ZNF248: variants seen among roughly 807,000 people sequenced by gnomAD.
ZNF248 encodes zinc finger protein 248.
ZNF248 carries 20 observed loss-of-function variants against 44.3 expected under a neutral mutation model. That is an observed-to-expected ratio of 0.45 (90% CI 0.32 to 0.66). The LOEUF (loss-of-function observed/expected upper bound fraction) is 0.66. ZNF248 is among the 30% of genes least tolerant of loss of function. The pLI is 0.04. For synonymous variants in ZNF248, 224 were observed against 229.0 expected, an observed-to-expected ratio of 0.98 and a Z score of 0.20; for missense variants, 654 against 677.0, an observed-to-expected ratio of 0.97 and a Z score of 0.38.
chr10:37,831,526 T>C lies in ZNF248; in HGVS notation c.*89A>G. On this transcript the variant is annotated 3_prime_UTR_variant, in exon 6 of 6. Transcript: ENST00000395867. Reference sequence around the variant, plus strand: ...CATATTCAAACAAGAAGTCATTTTCTACAAATTTCTGACATTCTTTGGCTT... The same window carrying C: ...CATATTCAAACAAGAAGTCATTTTCCACAAATTTCTGACATTCTTTGGCTT... The C allele has an allele frequency of 7.3e-6, 11 of 1,503,044 alleles. No homozygotes were observed. Among genetic ancestry groups the C allele is most frequent in the Non-Finnish European group, 9.7e-6 (11 of 1,128,488 alleles). The allele number at this position is 1,503,044 out of a possible 1,614,324, so 93.1% of individuals were successfully genotyped here.
intron 6 of ZNF248, among the ~76,000 whole-genome samples, chr10:37,785,067 T>C (rs547520031): frequency 6.6e-6 from 1 of 152,290 alleles, no homozygotes; most frequent in South Asian, 2.1e-4. Context: ...CTGGGTGCCT[T>C]GGAGGAAGGC....
intron 6 of ZNF248, among the ~76,000 whole-genome samples, chr10:37,822,723 A>G (rs2053676963): frequency 6.6e-6 from 1 of 152,176 alleles, no homozygotes; most frequent in African/African-American, 2.4e-5. Flanking sequence ...CATATAAAGT[A>G]CATTAACACT....
rs1427506570 is a variant in ZNF248 at position 37,778,566 on chromosome 10, T to C, written c.331-1991A>G. On this transcript the variant is annotated intron_variant, in intron 6 of 6. Transcript: ENST00000615949. ...TTAGATCCCATTTGTCAATTTTGTCTTTTGTTGCCATTGCTTTTGGTGTCT... is the reference window on the plus strand; with the variant it reads ...TTAGATCCCATTTGTCAATTTTGTCCTTTGTTGCCATTGCTTTTGGTGTCT... Among the ~76,000 whole-genome samples, 3 of 152,310 alleles carry C rather than the reference T, an allele frequency of 2.0e-5. No homozygotes were observed. In the East Asian group the frequency reaches 5.8e-4, roughly 29 times the overall value.
the ZNF248 span, among the ~76,000 whole-genome samples, chr10:37,761,205 G>T: frequency 1.3e-5 from 2 of 152,308 alleles, no homozygotes; most frequent in African/African-American, 2.4e-5. Flanking sequence ...GCCCATCTTG[G>T]ATTAAATGCC....
At chr10:37,807,040 G>T (rs1589268736) in intron 6 of ZNF248, among the ~76,000 whole-genome samples, 1 of 151,836 alleles carries the variant, frequency 6.6e-6, no homozygotes, top group East Asian at 1.9e-4. Flanking sequence ...CTGGAGTGCA[G>T]TGGCCCGGTC....
At chr10:37,844,654 G>C (rs1263401280) in intron 3 of ZNF248, among the ~76,000 whole-genome samples, 1 of 152,122 alleles carries the variant, frequency 6.6e-6, no homozygotes, top group African/African-American at 2.4e-5. Context: ...GACAAAACTG[G>C]TATTTAAACT....
chr10:37,819,914 C>T (rs1030682528), intron 6 of ZNF248: 1 of 772,974 alleles, frequency 1.3e-6, no homozygotes, highest in African/African-American at 1.7e-5. Context: ...TAACCATCTG[C>T]CCATTGTTCA....
the ZNF248 span, among the ~76,000 whole-genome samples, chr10:37,767,834 T>C: frequency 1.3e-5 from 2 of 152,018 alleles, no homozygotes; most frequent in African/African-American, 2.4e-5. Flanking sequence ...GACTGGCAAA[T>C]TGGATAAAGA....
chr10:37,831,631 G>A lies in ZNF248; in HGVS notation c.1724C>T (p.Ala575Val). 6.2e-7 allele frequency: 1 copy of A among 1,613,378 alleles called. No individual in the cohort carries two copies. ...TTCTAACATTCAGGATGTTGAAAGAGCTTTCACCCTTGTGTGAATTCTCTG... is the reference window on the plus strand; with the variant it reads ...TTCTAACATTCAGGATGTTGAAAGAACTTTCACCCTTGTGTGAATTCTCTG... ...KHQRIHTRVK[A>V]LSTS Residue 575 changes from alanine to valine, a missense_variant, in exon 6 of 6, where the codon GCT (alanine) becomes GTT (valine). Coordinates refer to ENST00000395867, the MANE Select transcript of ZNF248 (RefSeq NM_021045.3).
intron 6 of ZNF248, among the ~76,000 whole-genome samples, chr10:37,794,044 G>T (rs1299006506): frequency 1.3e-5 from 2 of 151,852 alleles, no homozygotes; most frequent in Non-Finnish European, 2.9e-5. Flanking sequence ...TTTTTTTATT[G>T]ATTTGTTGAT....
chr10:37,778,639 C>T (rs576698665), intron 6 of ZNF248, among the ~76,000 whole-genome samples: 44 of 152,236 alleles, frequency 2.9e-4, no homozygotes, highest in African/African-American at 1.0e-3. Context: ...CCTAGGTTTT[C>T]TTCTAGGGTT....
At chr10:37,852,650 T>C (rs941612876) in intron 3 of ZNF248, among the ~76,000 whole-genome samples, 1 of 149,800 alleles carries the variant, frequency 6.7e-6, no homozygotes, top group Non-Finnish European at 1.5e-5. Flanking sequence ...TATATAGATA[T>C]AGATATATAG....
intron 6 of ZNF248, among the ~76,000 whole-genome samples, chr10:37,810,804 G>T (rs541757695): frequency 6.6e-6 from 1 of 152,096 alleles, no homozygotes; most frequent in Non-Finnish European, 1.5e-5. Flanking sequence ...GTTAACAGAC[G>T]TGAAGAGGTA....
intron 3 of ZNF248, among the ~76,000 whole-genome samples, chr10:37,849,323 G>T (rs940909899): frequency 1.3e-5 from 2 of 151,586 alleles, no homozygotes; most frequent in Middle Eastern, 3.2e-3. Context: ...AAAAAAAAAG[G>T]AAAGAAATTT....
chr10:37,797,788 A>G (rs539468612), intron 6 of ZNF248, among the ~76,000 whole-genome samples: 1 of 152,250 alleles, frequency 6.6e-6, no homozygotes, highest in East Asian at 1.9e-4. Flanking sequence ...AAGCTGTAAT[A>G]AAAAAGATGG....
Position 37,828,817 on chromosome 10 carries a change from C to T in ZNF248, c.*2798G>A, listed in dbSNP as rs2054850647. The T allele has an allele frequency of 3.0e-6, 3 of 985,350 alleles. No homozygotes were observed. The highest frequency in any genetic ancestry group is 3.6e-6 in the Non-Finnish European group (3 of 829,916). 61.0% of individuals were successfully genotyped at this position (985,350 alleles called of 1,614,324 possible). ...GAATACAGAGCTGCTTACCTTACAC[C>T]ACATACAATAAGAAACACCACAGGG... On this transcript the variant is annotated 3_prime_UTR_variant, in exon 6 of 6. Coordinates refer to ENST00000395867, the MANE Select transcript of ZNF248 (RefSeq NM_021045.3).
At chr10:37,760,830 G>A in the ZNF248 span, among the ~76,000 whole-genome samples, 1 of 152,108 alleles carries the variant, frequency 6.6e-6, no homozygotes, top group South Asian at 2.1e-4. Context: ...GCAAGACTCT[G>A]TCTTGGGGGA....
chr10:37,767,068 T>C, the ZNF248 span, among the ~76,000 whole-genome samples: 4 of 151,742 alleles, frequency 2.6e-5, no homozygotes, highest in Non-Finnish European at 5.9e-5. Flanking sequence ...AAGGGAAGTT[T>C]AGAAAAAAAA....
At chr10:37,842,726 T>A (rs994547926) in intron 3 of ZNF248, among the ~76,000 whole-genome samples, 17 of 152,230 alleles carry the variant, frequency 1.1e-4, no homozygotes, top group African/African-American at 4.1e-4. Context: ...TGCAGTCGTC[T>A]GCAGCAGAGG....
Sources: allele counts gnomAD v4.1 joint callset (sites outside exome capture counted in the v4.1 genomes callset), GRCh38; gene constraint gnomAD v4.1.1; transcripts MANE v1.5; gene names NCBI Gene and HGNC (gene_info 2026-07-23, HGNC 2026-07-21).